The following KDM5A variants were observed in gnomAD, a reference collection of about 807,000 sequenced individuals.
KDM5A encodes lysine-specific demethylase 5A.
KDM5A carries 42 observed loss-of-function variants against 193.5 expected under a neutral mutation model. That is an observed-to-expected ratio of 0.22 (90% CI 0.17 to 0.28). KDM5A has a LOEUF of 0.28. Among genes scored for constraint, KDM5A ranks in the 10% least tolerant of loss-of-function variants. KDM5A has a pLI of 1.00. For missense variants in KDM5A, 1,692 were observed against 2,055.1 expected, an observed-to-expected ratio of 0.82 and a Z score of 3.42; for synonymous variants, 796 against 718.1, an observed-to-expected ratio of 1.11 and a Z score of -1.73.
In KDM5A at chr12:301,391, C is replaced by T. The variant is rs1370003533; in HGVS notation, c.4075-4191G>A. Reference sequence around the variant, plus strand: ...GGTTCAACATACGTGAATCAATAAACGTAATCCATCACATAAACAGAACCA... The same window carrying T: ...GGTTCAACATACGTGAATCAATAAATGTAATCCATCACATAAACAGAACCA... On this transcript the variant is annotated intron_variant, in intron 24 of 27. Transcript: ENST00000399788. Among the ~76,000 whole-genome samples, 6 of 152,128 alleles carry T rather than the reference C, an allele frequency of 3.9e-5. No individual in the cohort carries two copies. The South Asian group carries it at 8.3e-4, about 21-fold the overall frequency.
chr12:286,658 A>G (rs1943222821), intron 27 of KDM5A, among the ~76,000 whole-genome samples: 1 of 152,202 alleles, frequency 6.6e-6, no homozygotes, highest in Non-Finnish European at 1.5e-5. Context: ...CCTCTATACA[A>G]CTTAAGAGAA....
At chr12:388,159 T>C in intron 1 of KDM5A, 1 of 378,504 alleles carries the variant, frequency 2.6e-6, no homozygotes, top group Non-Finnish European at 5.3e-6. Context: ...AAAACACCTT[T>C]GACCTTGAGT....
At chr12:363,191 T>C in intron 4 of KDM5A, 94 bp from the exon 5 acceptor site, 1 of 1,399,588 alleles carries the variant, frequency 7.1e-7, no homozygotes, top group African/African-American at 1.4e-5. Flanking sequence ...AATGAATCCC[T>C]AAAACTAGAC....
At chr12:350,084 T>C (rs1046500094) in intron 10 of KDM5A, among the ~76,000 whole-genome samples, 2 of 148,794 alleles carry the variant, frequency 1.3e-5, no homozygotes, top group Non-Finnish European at 3.0e-5. Flanking sequence ...GCCAAGATCG[T>C]GCCACTACAC....
chr12:287,350 T>G (rs896402371), intron 27 of KDM5A, among the ~76,000 whole-genome samples: 1 of 152,208 alleles, frequency 6.6e-6, no homozygotes, highest in African/African-American at 2.4e-5. Flanking sequence ...GCTGGCCCTC[T>G]GTGATATCAC....
At chr12:320,035 A>G (rs1387723820) in intron 18 of KDM5A, among the ~76,000 whole-genome samples, 1 of 152,148 alleles carries the variant, frequency 6.6e-6, no homozygotes, top group Non-Finnish European at 1.5e-5. Flanking sequence ...AAGACGTAAG[A>G]GAAGAAGAAC....
At chr12:303,852 A>C (rs1450336511) in intron 24 of KDM5A, among the ~76,000 whole-genome samples, 2 of 152,240 alleles carry the variant, frequency 1.3e-5, no homozygotes, top group African/African-American at 4.8e-5. Context: ...GACTGACAAT[A>C]TATAGATTAC....
chr12:346,341 G>A (rs2137442175), intron 10 of KDM5A, among the ~76,000 whole-genome samples: 1 of 152,244 alleles, frequency 6.6e-6, no homozygotes, highest in Non-Finnish European at 1.5e-5. Flanking sequence ...GGTACAAAGA[G>A]GAGCTGGTAC....
intron 2 of KDM5A, among the ~76,000 whole-genome samples, chr12:385,181 G>GAAAAA (rs199833232): frequency 1.1e-5 from 1 of 93,764 alleles, no homozygotes; most frequent in Admixed American, 1.2e-4. Flanking sequence ...AGACTCTCTG[G>GAAAAA]AAAAAAAAAA....
intron 25 of KDM5A, 111 bp from the exon 26 acceptor site, chr12:295,904 G>A (rs759482189): frequency 1.7e-4 from 140 of 838,218 alleles, no homozygotes; most frequent in Non-Finnish European, 2.6e-4. Context: ...ACTAACTTCA[G>A]ATATCTGGAT....
chr12:324,237 T>C (rs1423794811), intron 14 of KDM5A, among the ~76,000 whole-genome samples: 2 of 151,770 alleles, frequency 1.3e-5, no homozygotes, highest in Non-Finnish European at 2.9e-5. Context: ...GGCCAGGCTG[T>C]AGTAAGCTAT....
intron 3 of KDM5A, among the ~76,000 whole-genome samples, chr12:373,569 C>G (rs1346621782): frequency 6.6e-6 from 1 of 152,108 alleles, no homozygotes; most frequent in Non-Finnish European, 1.5e-5. Flanking sequence ...TTTTTTGTGT[C>G]TCTATCTCCT....
rs766650765 is a variant in KDM5A, at chr12:284,842, G to A, written c.*614C>T. 67 of 234,062 alleles carry A rather than the reference G, an allele frequency of 2.9e-4. No individual in the cohort carries two copies. Among genetic ancestry groups the A allele is most frequent in the Non-Finnish European group, 5.0e-4 (59 of 118,666 alleles). The allele number at this position is 234,062 out of a possible 1,614,324, so 14.5% of individuals were successfully genotyped here. A position where few individuals can be genotyped will look rare whatever the true frequency, so the allele number is the denominator to read the frequency against. Reference sequence around the variant, plus strand: ...AGGTGACCTGCCCCAGCTTGTGAGAGGTTCTCCTATTTGGGATGTTCTTCT... The same window carrying A: ...AGGTGACCTGCCCCAGCTTGTGAGAAGTTCTCCTATTTGGGATGTTCTTCT... On this transcript the variant is annotated 3_prime_UTR_variant, in exon 28 of 28. Transcript: ENST00000399788.
At position 358,564 on chromosome 12, in the gene KDM5A, T is replaced by C. The variant is rs7973175; in HGVS notation, c.673-2027A>G. Among the ~76,000 whole-genome samples, 1,414 of 152,278 alleles carry C rather than the reference T, an allele frequency of 9.3e-3. 30 individuals carry two copies. The highest frequency in any genetic ancestry group is 0.032 in the African/African-American group (1,321 of 41,552). On this transcript the variant is annotated intron_variant, in intron 5 of 27. Transcript: ENST00000399788. ...ATCAATTAGTCCTTACAACAACCTT[T>C]TCAGAAAAGCAATAAAGGTCCAAAA... is the stretch of plus-strand genomic sequence containing the variant.
Position 331,811 on chromosome 12 carries a change from G to T in KDM5A, c.1773+8C>A, listed in dbSNP as rs1943869853. 4 of 1,613,756 alleles carry T rather than the reference G, an allele frequency of 2.5e-6. No individual in the cohort carries two copies. The highest frequency in any genetic ancestry group is 1.1e-5 in the South Asian group (1 of 91,070). On this transcript the variant is annotated splice_region_variant and intron_variant, in intron 13 of 27. Transcript: ENST00000399788. ...AGACGTACAACAGCCACTTGCTATA[G>T]AACAGACCCAGTCAGCAGTACAGAA...
intron 26 of KDM5A, among the ~76,000 whole-genome samples, chr12:293,711 G>C (rs1051170663): frequency 2.0e-5 from 3 of 147,806 alleles, no homozygotes; most frequent in Non-Finnish European, 4.5e-5. Flanking sequence ...CCCGGGAGGC[G>C]GAGGTTGCAG....
intron 10 of KDM5A, among the ~76,000 whole-genome samples, chr12:334,925 G>A (rs1214601694): frequency 2.7e-5 from 4 of 150,216 alleles, no homozygotes; most frequent in East Asian, 3.9e-4. Context: ...TAGAAATACC[G>A]GATAAATTAT....
chr12:376,862 C>CA (rs1944511692), intron 3 of KDM5A, among the ~76,000 whole-genome samples: 1 of 152,088 alleles, frequency 6.6e-6, no homozygotes, highest in African/African-American at 2.4e-5. Flanking sequence ...GAACCAAATA[C>CA]AAATGTAGAC....
At chr12:326,138 A>G (rs1943780667) in intron 14 of KDM5A, among the ~76,000 whole-genome samples, 1 of 152,236 alleles carries the variant, frequency 6.6e-6, no homozygotes, top group Non-Finnish European at 1.5e-5. Context: ...GAGGAAGGAG[A>G]TTTTCTATTT....
Sources: allele counts gnomAD v4.1 joint callset (sites outside exome capture counted in the v4.1 genomes callset), GRCh38; gene constraint gnomAD v4.1.1; transcripts MANE v1.5; gene names NCBI Gene and HGNC (gene_info 2026-07-23, HGNC 2026-07-21).